Variants in THRAP3 observed in about 807,000 individuals in gnomAD.
THRAP3 encodes the protein thyroid hormone receptor-associated protein 3.
Under a neutral mutation model 101.0 loss-of-function variants are expected in THRAP3, and 16 were observed. The observed-to-expected ratio is 0.16, with a 90% CI of 0.11 to 0.24. The LOEUF (loss-of-function observed/expected upper bound fraction) is 0.24. Ranked by LOEUF, THRAP3 falls within the 10% of genes least tolerant of loss-of-function variation. The pLI, the probability that THRAP3 is intolerant of heterozygous loss-of-function variation, is 1.00. For synonymous variants in THRAP3, 407 were observed against 422.6 expected, an observed-to-expected ratio of 0.96 and a Z score of 0.45; for missense variants, 989 against 1,202.7, an observed-to-expected ratio of 0.82 and a Z score of 2.63.
At chr1:36,213,917 A>G in the THRAP3 span, among the ~76,000 whole-genome samples, 2 of 104,514 alleles carry the variant, frequency 1.9e-5, no homozygotes, top group African/African-American at 1.0e-4. Context: ...AAGAGAAAGA[A>G]AGAAAGAAAG....
chr1:36,215,904 C>A, the THRAP3 span, among the ~76,000 whole-genome samples: 1 of 151,938 alleles, frequency 6.6e-6, no homozygotes, highest in South Asian at 2.1e-4. Context: ...TGTGTGCCAT[C>A]ACGCCCGGCT....
chr1:36,246,473 T>C (rs1192498269), intron 1 of THRAP3, among the ~76,000 whole-genome samples: 1 of 152,132 alleles, frequency 6.6e-6, no homozygotes, highest in Non-Finnish European at 1.5e-5. Flanking sequence ...TCTCAAGTTA[T>C]CTCTCCGCCT....
At chr1:36,226,946 T>C (rs986852179) in intron 1 of THRAP3, among the ~76,000 whole-genome samples, 3 of 151,968 alleles carry the variant, frequency 2.0e-5, no homozygotes, top group African/African-American at 7.3e-5. Context: ...AACATAGAGG[T>C]GTCCAGTTCA....
chr1:36,282,915 C>CTTTT (rs1645753127), intron 3 of THRAP3, among the ~76,000 whole-genome samples: 1 of 152,194 alleles, frequency 6.6e-6, no homozygotes, highest in Non-Finnish European at 1.5e-5. Context: ...CTTTCCTCTG[C>CTTTT]CAGCACATAG....
At chr1:36,259,753 G>C (rs1015238922) in intron 2 of THRAP3, among the ~76,000 whole-genome samples, 1 of 119,228 alleles carries the variant, frequency 8.4e-6, no homozygotes, top group Non-Finnish European at 1.7e-5. Flanking sequence ...GTGACAGCAA[G>C]ACCCTGTCTC....
the THRAP3 span, among the ~76,000 whole-genome samples, chr1:36,214,024 AAG>A: frequency 1.5e-5 from 2 of 134,554 alleles, no homozygotes; most frequent in Non-Finnish European, 3.3e-5. Context: ...GAAAGAAAGA[AAG>A]AAAGAAAGAA....
chr1:36,263,387 A>G (rs1162072216), intron 2 of THRAP3, among the ~76,000 whole-genome samples: 2 of 152,186 alleles, frequency 1.3e-5, no homozygotes, highest in East Asian at 1.9e-4. Flanking sequence ...GGGGTGAGCT[A>G]CTGCACCTGG....
rs1484456923 is a variant in THRAP3 at position 36,291,259 on chromosome 1, G to A, written c.1746-115G>A. 3 of 1,110,800 alleles carry A rather than the reference G, an allele frequency of 2.7e-6. No homozygotes were observed. The African/African-American group carries it at 4.8e-5, about 18-fold the overall frequency. The allele number at this position is 1,110,800 out of a possible 1,614,324, so 68.8% of individuals were successfully genotyped here. On this transcript the variant is annotated intron_variant, in intron 5 of 11. Transcript: ENST00000354618. ...CTGAGGGTTACTTTCAACTTCGGTA[G>A]GAAGAAAAGAAGTTTATAGATAGAT...
chr1:36,236,718 A>G (rs1406220264), intron 1 of THRAP3, among the ~76,000 whole-genome samples: 1 of 152,154 alleles, frequency 6.6e-6, no homozygotes, highest in Admixed American at 6.6e-5. Context: ...ATGTATCACC[A>G]TTTTCATATT....
chr1:36,284,566 C>T (rs1645773073), intron 3 of THRAP3, among the ~76,000 whole-genome samples: 1 of 152,238 alleles, frequency 6.6e-6, no homozygotes. Flanking sequence ...TAACTAACTG[C>T]TGAGTTCTAC....
At position 36,264,879 on chromosome 1, in the gene THRAP3, A is replaced by C. The variant is rs115124937; in HGVS notation, c.-32+5395A>C. The stretch of plus-strand genomic sequence containing the variant: ...AACAACAGCAGTTCTATTGTCTCAC[A>C]GCTCTGGAGGCTAGAAATTCAAAAT... On this transcript the variant is annotated intron_variant, in intron 2 of 11. Coordinates refer to ENST00000354618, the MANE Select transcript of THRAP3 (RefSeq NM_005119.4). Among the ~76,000 whole-genome samples, 1,463 of 152,320 alleles carry C rather than the reference A, an allele frequency of 9.6e-3. 16 individuals carry two copies. The highest frequency in any genetic ancestry group is 0.034 in the African/African-American group (1,402 of 41,566).
intron 1 of THRAP3, among the ~76,000 whole-genome samples, chr1:36,256,995 C>G (rs1205423411): frequency 6.6e-6 from 1 of 152,084 alleles, no homozygotes; most frequent in Admixed American, 6.6e-5. Context: ...CGGGGTTTCT[C>G]CATGTTGGTC....
intron 1 of THRAP3, among the ~76,000 whole-genome samples, chr1:36,240,683 A>T (rs1557810698): frequency 1.3e-5 from 2 of 151,524 alleles, no homozygotes; most frequent in Non-Finnish European, 2.9e-5. Flanking sequence ...AGCCCTTAAC[A>T]TTTTTTTTGG....
chr1:36,211,499 C>A, the THRAP3 span, among the ~76,000 whole-genome samples: 2 of 152,142 alleles, frequency 1.3e-5, no homozygotes, highest in Non-Finnish European at 2.9e-5. Flanking sequence ...ATTCGTACCA[C>A]TTCATTAAAG....
intron 1 of THRAP3, chr1:36,225,020 T>TA (rs1415869312): frequency 2.0e-5 from 3 of 152,274 alleles, no homozygotes; most frequent in African/African-American, 7.2e-5. Flanking sequence ...ACGGGAATAT[T>TA]AGAGTTCTCA....
At position 36,282,618 on chromosome 1, in the gene THRAP3, G is replaced by C; in HGVS notation, c.55G>C (p.Ala19Pro). 6.2e-7 allele frequency: 1 copy of C among 1,613,840 alleles called. No homozygotes were observed. The highest frequency in any genetic ancestry group is 1.3e-5 in the African/African-American group (1 of 74,998). ...ATCTCGCTCTTCTCGCTCAAGATCT[G>C]CATCAAGATCTCGTTCTCGTTCATT... ...SGSRSSRSRS[A>P]SRSRSRSFSK... Residue 19 changes from alanine (A) to proline (P), a missense_variant, in exon 3 of 12, where the codon GCA (alanine) becomes CCA (proline). Physicochemically the swap from Ala to Pro is conservative, Grantham distance 27. Coordinates refer to ENST00000354618, the MANE Select transcript of THRAP3 (RefSeq NM_005119.4).
intron 2 of THRAP3, among the ~76,000 whole-genome samples, chr1:36,268,774 G>A (rs951062032): frequency 6.6e-6 from 1 of 150,828 alleles, no homozygotes; most frequent in African/African-American, 2.4e-5. Context: ...CACCCAGGCT[G>A]GAGTGCAGTG....
intron 1 of THRAP3, among the ~76,000 whole-genome samples, chr1:36,234,433 G>A: frequency 6.6e-6 from 1 of 152,140 alleles, no homozygotes; most frequent in East Asian, 1.9e-4. Context: ...AATGTAGAAA[G>A]TAAAAGTTTC....
At chr1:36,293,280 C>T (rs1013915869) in intron 7 of THRAP3, among the ~76,000 whole-genome samples, 2 of 152,154 alleles carry the variant, frequency 1.3e-5, no homozygotes, top group African/African-American at 4.8e-5. Context: ...CTGCCCGCCT[C>T]AGCCTCCCAA....
Sources: gnomAD v4.1 joint callset for allele counts (sites outside exome capture counted in the v4.1 genomes callset) on GRCh38, gnomAD v4.1.1 for gene constraint, MANE v1.5 for transcripts, NCBI Gene and HGNC (gene_info 2026-07-23, HGNC 2026-07-21) for gene names.